The following ARHGAP6 variants were observed in gnomAD, a reference collection of about 807,000 sequenced individuals.
ARHGAP6 encodes the protein Rho GTPase activating protein 6, also known as rho GTPase-activating protein 6.
ARHGAP6 carries 16 observed loss-of-function variants against 55.7 expected under a neutral mutation model. That is an observed-to-expected ratio of 0.29 (90% CI 0.19 to 0.44). The LOEUF (loss-of-function observed/expected upper bound fraction) is 0.44. ARHGAP6 is among the 20% of genes least tolerant of loss of function. The pLI, the probability that ARHGAP6 is intolerant of heterozygous loss-of-function variation, is 1.00. For synonymous variants in ARHGAP6, 382 were observed against 360.9 expected (o/e 1.06, Z -0.66); for missense variants, 698 against 808.9 (o/e 0.86, Z 1.66).
chrX:11,382,664 G>T (rs1196002210), intron 1 of ARHGAP6, among the ~76,000 whole-genome samples: 1 of 111,156 alleles, frequency 9.0e-6, no homozygotes, highest in Non-Finnish European at 1.9e-5. Flanking sequence ...AAAAGGTGTA[G>T]ATCCCCCAAA....
At chrX:11,243,617 A>G (rs1362229528) in intron 2 of ARHGAP6, among the ~76,000 whole-genome samples, 5 of 112,292 alleles carry the variant, frequency 4.5e-5, no homozygotes, top group African/African-American at 1.6e-4. Context: ...ATGCCACCAA[A>G]GGAACTCATC....
intron 1 of ARHGAP6, among the ~76,000 whole-genome samples, chrX:11,535,690 G>A (rs1402753443): frequency 9.0e-6 from 1 of 111,350 alleles, no homozygotes. Context: ...AGCAGACACC[G>A]ATTCTGGGGC....
intron 2 of ARHGAP6, among the ~76,000 whole-genome samples, chrX:11,199,392 TATGC>T (rs2046588114): frequency 9.0e-6 from 1 of 111,697 alleles, no homozygotes; most frequent in Non-Finnish European, 1.9e-5. Flanking sequence ...CCACTCCAGA[TATGC>T]TAAATCTGGA....
At chrX:11,427,711 G>C in intron 1 of ARHGAP6, 2 of 799,217 alleles carry the variant, frequency 2.5e-6, no homozygotes, top group Non-Finnish European at 3.0e-6. Context: ...GCCCTGCTCC[G>C]TGCGTGCCGA....
intron 1 of ARHGAP6, among the ~76,000 whole-genome samples, chrX:11,330,337 GTA>G (rs1276490194): frequency 8.9e-6 from 1 of 112,583 alleles, no homozygotes; most frequent in East Asian, 2.8e-4. Flanking sequence ...TATTTGGGAT[GTA>G]TATGTTAATC....
At chrX:11,269,085 T>C (rs1024599843) in intron 1 of ARHGAP6, among the ~76,000 whole-genome samples, 5 of 111,811 alleles carry the variant, frequency 4.5e-5, no homozygotes, top group Non-Finnish European at 9.4e-5. Context: ...CCACCAATTG[T>C]GGCCAATCTA....
intron 2 of ARHGAP6, among the ~76,000 whole-genome samples, chrX:11,206,423 GT>G (rs2046705481): frequency 9.0e-6 from 1 of 111,459 alleles, no homozygotes; most frequent in African/African-American, 3.3e-5. Context: ...ATGATCAGCA[GT>G]TTTTAAATTA....
At chrX:11,484,362 A>AGAGGAAGGAGAATCGAAGGAG (rs2050489223) in intron 1 of ARHGAP6, among the ~76,000 whole-genome samples, 2 of 108,826 alleles carry the variant, frequency 1.8e-5, no homozygotes, top group Non-Finnish European at 3.8e-5. Context: ...AGGAGGAAGA[A>AGAGGAAGGAGAATCGAAGGAG]GAGGAAGGAG....
At chrX:11,636,919 CAAT>C (rs1466357656) in intron 1 of ARHGAP6, among the ~76,000 whole-genome samples, 1 of 111,337 alleles carries the variant, frequency 9.0e-6, no homozygotes, top group Admixed American at 9.6e-5. Context: ...CCAAATTTAA[CAAT>C]AACTTCAGTC....
At chrX:11,590,866 G>GAA (rs762845049) in intron 1 of ARHGAP6, among the ~76,000 whole-genome samples, 587 of 45,976 alleles carry the variant, frequency 0.013, 67 homozygotes, top group Middle Eastern at 0.059. Context: ...GAAAAGAAAA[G>GAA]AAGGAAAGAA....
At chrX:11,185,765 T>A (rs954058622) in intron 5 of ARHGAP6, among the ~76,000 whole-genome samples, 68 of 112,302 alleles carry the variant, frequency 6.1e-4, no homozygotes, top group Non-Finnish European at 3.0e-4. Flanking sequence ...AATAGCAATA[T>A]GTAAACCTGT....
In ARHGAP6 at chrX:11,144,026, C is replaced by T. The variant is rs926904536; in HGVS notation, c.2130G>A (p.Ser710=). Residue 710 remains serine, a synonymous_variant, in exon 11 of 13, where the codon TCG becomes TCA. Coordinates refer to ENST00000337414, the MANE Select transcript of ARHGAP6 (RefSeq NM_013427.3). The part of the protein sequence containing the change: ...PGQFMLVGHL[S]SSKSRESSPG... ...GAGAACTTTCCCTTGACTTTGACGA[C>T]GACAAGTGGCCCACCAGCATAAACT... 5.8e-6 allele frequency: 7 copies of T among 1,209,960 alleles called. No individual in the cohort carries two copies. Among genetic ancestry groups the T allele is most frequent in the South Asian group, 1.8e-5 (1 of 56,775 alleles).
At chrX:11,572,462 G>A in intron 1 of ARHGAP6, among the ~76,000 whole-genome samples, 1 of 110,734 alleles carries the variant, frequency 9.0e-6, no homozygotes, top group South Asian at 3.9e-4. Context: ...TCTTGCGATA[G>A]TTTAATGAGA....
chrX:11,229,383 T>G (rs1273789560), intron 2 of ARHGAP6, among the ~76,000 whole-genome samples: 3 of 112,312 alleles, frequency 2.7e-5, no homozygotes, highest in Non-Finnish European at 5.6e-5. Flanking sequence ...TTTAGTTTGT[T>G]TTGGTCCACC....
At chrX:11,148,893 T>C (rs1404978092) in intron 10 of ARHGAP6, 2 of 232,835 alleles carry the variant, frequency 8.6e-6, no homozygotes, top group Non-Finnish European at 1.6e-5. Flanking sequence ...CATTGTATCA[T>C]CCATCTTGGA....
intron 1 of ARHGAP6, among the ~76,000 whole-genome samples, chrX:11,638,119 A>G (rs1319980923): frequency 3.6e-5 from 4 of 111,479 alleles, no homozygotes; most frequent in Non-Finnish European, 5.7e-5. Flanking sequence ...CAAAATGTAA[A>G]TAGGTATCAC....
intron 10 of ARHGAP6, chrX:11,145,271 C>A (rs987243558): frequency 8.9e-6 from 1 of 112,113 alleles, no homozygotes; most frequent in Admixed American, 9.5e-5. Context: ...TAAACACATG[C>A]CTGAACAACA....
intron 2 of ARHGAP6, among the ~76,000 whole-genome samples, chrX:11,205,291 G>T (rs1451814640): frequency 1.8e-5 from 2 of 111,517 alleles, no homozygotes; most frequent in African/African-American, 6.5e-5. Flanking sequence ...CGTGGGGACT[G>T]TCCTGTACAG....
chrX:11,518,355 G>A lies in ARHGAP6; in HGVS notation c.588+145886C>T, dbSNP rs1423689195. Among the ~76,000 whole-genome samples, 5 of 110,294 alleles carry A rather than the reference G, an allele frequency of 4.5e-5. No homozygotes were observed. In the Admixed American group the frequency reaches 4.9e-4, roughly 11 times the overall value. Reference sequence around the variant, plus strand: ...AGATGGGGTCTTCTATGTTGCCCAGGCTGGTCTCAAACTCCTGGCTTCAAG... The same window carrying A: ...AGATGGGGTCTTCTATGTTGCCCAGACTGGTCTCAAACTCCTGGCTTCAAG... On this transcript the variant is annotated intron_variant, in intron 1 of 12. Transcript: ENST00000337414.
Sources: gnomAD v4.1 joint callset for allele counts (sites outside exome capture counted in the v4.1 genomes callset) on GRCh38, gnomAD v4.1.1 for gene constraint, MANE v1.5 for transcripts, NCBI Gene and HGNC (gene_info 2026-07-23, HGNC 2026-07-21) for gene names.